Variants in MTUS2 observed in about 807,000 individuals in gnomAD.
MTUS2 encodes the protein microtubule-associated tumor suppressor candidate 2.
A neutral mutation model predicts 114.1 loss-of-function variants in MTUS2; 40 were observed. The ratio of observed to expected loss-of-function variants is 0.35; its 90% CI spans 0.27 to 0.46. The LOEUF is 0.46. MTUS2 is among the 20% of genes least tolerant of loss of function. The pLI, the probability that MTUS2 is intolerant of heterozygous loss-of-function variation, is 1.00. For missense variants in MTUS2, 1,679 were observed against 1,705.4 expected (o/e 0.98, Z 0.27); for synonymous variants, 688 against 672.0 (o/e 1.02, Z -0.37).
chr13:29,113,481 G>T (rs1890962776), intron 5 of MTUS2, among the ~76,000 whole-genome samples: 1 of 152,120 alleles, frequency 6.6e-6, no homozygotes, highest in Admixed American at 6.6e-5. Context: ...CGAAATTTCT[G>T]CAGTGTTCAT....
chr13:28,839,962 T>A (rs1045673711), intron 2 of MTUS2, 112 bp downstream of exon 2: 2 of 114,638 alleles, frequency 1.7e-5, no homozygotes, highest in African/African-American at 6.1e-5. Flanking sequence ...CTGGTGGTAG[T>A]TTTTTTTTTT....
intron 5 of MTUS2, among the ~76,000 whole-genome samples, chr13:29,156,949 A>G (rs541535291): frequency 6.6e-6 from 1 of 152,160 alleles, no homozygotes; most frequent in Non-Finnish European, 1.5e-5. Flanking sequence ...ATCTGTGAAT[A>G]ATATATAGTA....
intron 5 of MTUS2, among the ~76,000 whole-genome samples, chr13:29,127,400 C>G (rs1284271777): frequency 1.3e-5 from 2 of 152,154 alleles, no homozygotes; most frequent in Non-Finnish European, 2.9e-5. Flanking sequence ...TGTAGATGTC[C>G]TTAACATCTA....
intron 5 of MTUS2, among the ~76,000 whole-genome samples, chr13:29,238,235 G>A (rs1896608800): frequency 6.6e-6 from 1 of 152,178 alleles, no homozygotes. Flanking sequence ...TAAAAAGAAG[G>A]AGATCCTGTC....
chr13:29,473,687 A>T (rs1880484437), intron 9 of MTUS2, among the ~76,000 whole-genome samples: 1 of 152,182 alleles, frequency 6.6e-6, no homozygotes, highest in South Asian at 2.1e-4. Context: ...TGTACAACAG[A>T]TTATAATCCT....
intron 2 of MTUS2, among the ~76,000 whole-genome samples, chr13:28,960,396 TGAA>T (rs1883271126): frequency 6.6e-6 from 1 of 152,190 alleles, no homozygotes; most frequent in African/African-American, 2.4e-5. Flanking sequence ...TCCAAGAGTG[TGAA>T]AACATACATG....
chr13:29,320,317 C>T (rs1296922593), intron 6 of MTUS2, among the ~76,000 whole-genome samples: 1 of 152,158 alleles, frequency 6.6e-6, no homozygotes, highest in African/African-American at 2.4e-5. Context: ...CTAGAAGGCA[C>T]CAGCCTGGCC....
chr13:29,067,308 A>G (rs1251708700), intron 4 of MTUS2, among the ~76,000 whole-genome samples: 1 of 152,144 alleles, frequency 6.6e-6, no homozygotes, highest in Non-Finnish European at 1.5e-5. Context: ...TGAAGGGGTG[A>G]GGAGAGAAGC....
chr13:28,931,702 A>G (rs894330760), intron 2 of MTUS2, among the ~76,000 whole-genome samples: 1 of 152,092 alleles, frequency 6.6e-6, no homozygotes, highest in South Asian at 2.1e-4. Flanking sequence ...ATTATACTTT[A>G]AGTTTTAGGG....
intron 4 of MTUS2, among the ~76,000 whole-genome samples, chr13:29,053,333 GAGT>G (rs1887988598): frequency 1.3e-5 from 2 of 152,078 alleles, no homozygotes; most frequent in African/African-American, 4.8e-5. Flanking sequence ...TAATAATTCA[GAGT>G]AGTAGTACCC....
At chr13:28,905,240 C>G (rs1228690481) in intron 2 of MTUS2, among the ~76,000 whole-genome samples, 3 of 151,492 alleles carry the variant, frequency 2.0e-5, no homozygotes, top group African/African-American at 7.3e-5. Context: ...ATTGAATGCC[C>G]TTTATTTCCT....
intron 4 of MTUS2, among the ~76,000 whole-genome samples, chr13:29,042,553 CT>C (rs1335009952): frequency 1.3e-5 from 2 of 152,126 alleles, no homozygotes; most frequent in Non-Finnish European, 1.5e-5. Context: ...ACCAGTTCTT[CT>C]TTGAAGGTCT....
Position 28,906,917 on chromosome 13 carries a change from C to G in MTUS2, c.-243+67067C>G, listed in dbSNP as rs569906716. ...ATACAGAGAACGCCACAAAGATACT[C>G]CTCGAGAAGAGCAACTCCAAGACAC... On this transcript the variant is annotated intron_variant, in intron 2 of 15. Coordinates refer to ENST00000612955, the MANE Select transcript of MTUS2 (RefSeq NM_001033602.4). 1.5e-3 allele frequency among the ~76,000 whole-genome samples: 223 copies of G among 151,428 alleles called. 4 individuals carry two copies. The highest frequency in any genetic ancestry group is 6.9e-3 in the Middle Eastern group (2 of 290).
chr13:29,209,108 G>A (rs1374276938), intron 5 of MTUS2, among the ~76,000 whole-genome samples: 1 of 152,254 alleles, frequency 6.6e-6, no homozygotes, highest in South Asian at 2.1e-4. Context: ...GGGAGCTCCA[G>A]TGTTAGGTGT....
chr13:28,833,595 C>G (rs1422960409), intron 1 of MTUS2, among the ~76,000 whole-genome samples: 1 of 152,116 alleles, frequency 6.6e-6, no homozygotes. Flanking sequence ...GAAAAACCCA[C>G]AGCTAACATC....
intron 2 of MTUS2, among the ~76,000 whole-genome samples, chr13:28,899,156 C>A (rs994033904): frequency 6.6e-6 from 1 of 152,158 alleles, no homozygotes. Flanking sequence ...AGAGATCTCA[C>A]GTACCGTTTT....
chr13:29,281,332 T>G (rs1347704945), intron 5 of MTUS2, among the ~76,000 whole-genome samples: 1 of 152,088 alleles, frequency 6.6e-6, no homozygotes, highest in African/African-American at 2.4e-5. Context: ...TCATTCTGAG[T>G]TATCAAATAA....
intron 5 of MTUS2, among the ~76,000 whole-genome samples, chr13:29,139,896 T>A (rs1180523149): frequency 6.6e-6 from 1 of 152,174 alleles, no homozygotes. Context: ...CCTCTGGCGC[T>A]CTCTCCATCA....
At chr13:29,258,183 T>C (rs547195873) in intron 5 of MTUS2, among the ~76,000 whole-genome samples, 7 of 152,354 alleles carry the variant, frequency 4.6e-5, no homozygotes, top group African/African-American at 1.2e-4. Flanking sequence ...CTCCAGGCTC[T>C]GGGGAATAAT....
Sources: gnomAD v4.1 joint callset for allele counts (sites outside exome capture counted in the v4.1 genomes callset) on GRCh38, gnomAD v4.1.1 for gene constraint, MANE v1.5 for transcripts, NCBI Gene and HGNC (gene_info 2026-07-23, HGNC 2026-07-21) for gene names.